ARL9: variants seen among roughly 807,000 people sequenced by gnomAD.
ARL9 encodes the protein ARF like GTPase 9, also known as ADP-ribosylation factor-like protein 9.
A neutral mutation model predicts 27.0 loss-of-function variants in ARL9; 14 were observed. The observed-to-expected ratio is 0.52, with a 90% CI of 0.34 to 0.81. ARL9 has a LOEUF of 0.81. ARL9 is among the 30% of genes least tolerant of loss of function. The pLI is 0.01. For missense variants in ARL9, 294 were observed against 290.0 expected (o/e 1.01, Z -0.10); for synonymous variants, 106 against 108.7 (o/e 0.98, Z 0.15).
rs371408202 is a variant in ARL9, at chr4:56,523,767, G to T, written c.689G>T (p.Arg230Met). The T allele has an allele frequency of 1.1e-4, 175 of 1,613,864 alleles. No homozygotes were observed. The highest frequency in any genetic ancestry group is 2.2e-4 in the Admixed American group (13 of 60,024). Residue 230 changes from arginine (R) to methionine (M), a missense_variant, in exon 4 of 4, where the codon AGG becomes ATG. By Grantham distance (91) the Arg-to-Met change is moderately conservative. Transcript: ENST00000640821. Reference sequence around the variant, plus strand: ...GCATTATCTGAAGTGGGAAATGACAGGAAGATGTTCTTGTTTGGAACCTAC... The same window carrying T: ...GCATTATCTGAAGTGGGAAATGACATGAAGATGTTCTTGTTTGGAACCTAC... ...ALALSEVGND[R>M]KMFLFGTYLT...
At chr4:56,516,705 T>A (rs1578212561) in intron 2 of ARL9, among the ~76,000 whole-genome samples, 1 of 150,866 alleles carries the variant, frequency 6.6e-6, no homozygotes. Context: ...CCAAGGTGGG[T>A]GGATCACTGG....
chr4:56,523,881 G>T lies in ARL9; in HGVS notation c.*5G>T. ...CTGGCTGCAGATGTGCAGTGACCAG[G>T]ACTCAGCCCACTGTGCGGCTCACGA... On this transcript the variant is annotated 3_prime_UTR_variant, in exon 4 of 4. Transcript: ENST00000640821. 1.9e-6 allele frequency: 3 copies of T among 1,611,362 alleles called. No homozygotes were observed. The highest frequency in any genetic ancestry group is 2.5e-6 in the Non-Finnish European group (3 of 1,178,416).
chr4:56,521,347 A>G (rs1042012040), intron 3 of ARL9, among the ~76,000 whole-genome samples: 1 of 152,202 alleles, frequency 6.6e-6, no homozygotes, highest in Non-Finnish European at 1.5e-5. Flanking sequence ...CCATAGCATT[A>G]ATATACCAAA....
chr4:56,506,128 C>G lies in ARL9; in HGVS notation c.266C>G (p.Pro89Arg), dbSNP rs1218534710. 1 of 1,233,182 alleles carries G rather than the reference C, an allele frequency of 8.1e-7. No individual in the cohort carries two copies. The highest frequency in any genetic ancestry group is 1.6e-5 in the African/African-American group (1 of 64,390). The allele number at this position is 1,233,182 out of a possible 1,614,324, so 76.4% of individuals were successfully genotyped here. The change falls in exon 1 of 4, where the codon CCG (proline) becomes CGG (arginine). Residue 89 changes from proline (P) to arginine (R), a missense_variant. Pro to Arg is a moderately radical substitution (Grantham distance 103). Transcript: ENST00000640821. ...ENKDSTLTRT[P>R]LEPLEKNKQI... is the part of the protein sequence containing the mutation. ...AAGGACAGCACCTTGACAAGGACCC[C>G]GCTCGAGCCGCTGGTAAGAGACCCA... is the stretch of plus-strand genomic sequence containing the variant.
Position 56,511,288 on chromosome 4 carries a change from C to T in ARL9, c.383C>T (p.Thr128Ile). Residue 128 changes from threonine (T) to isoleucine (I), a missense_variant, in exon 2 of 4, where the codon ACC becomes ATC. Physicochemically the swap from Thr to Ile is moderately conservative, Grantham distance 89. Coordinates refer to ENST00000640821, the MANE Select transcript of ARL9 (RefSeq NM_001363794.2). The stretch of plus-strand genomic sequence containing the variant: ...AGAGTCCAGCACAGTGTGGCACCCA[C>T]CCAAGGTTTCCATGCAGTTTGCATC... ...SNRVQHSVAP[T>I]QGFHAVCINT... The T allele has an allele frequency of 6.4e-7, 1 of 1,567,710 alleles. No homozygotes were observed. The highest frequency in any genetic ancestry group is 1.2e-5 in the South Asian group (1 of 82,524).
At chr4:56,512,125 A>C (rs1489866300) in intron 2 of ARL9, among the ~76,000 whole-genome samples, 2 of 152,082 alleles carry the variant, frequency 1.3e-5, no homozygotes, top group Non-Finnish European at 2.9e-5. Context: ...GCATCTCTCA[A>C]ATTCATTGGT....
chr4:56,517,356 A>G (rs981490390), intron 2 of ARL9, among the ~76,000 whole-genome samples: 2 of 152,212 alleles, frequency 1.3e-5, no homozygotes, highest in Non-Finnish European at 2.9e-5. Context: ...CTTGAAACAG[A>G]GGTCCAAAAA....
At chr4:56,517,004 G>T (rs1578212738) in intron 2 of ARL9, among the ~76,000 whole-genome samples, 1 of 152,208 alleles carries the variant, frequency 6.6e-6, no homozygotes. Flanking sequence ...TGTTGGCAGA[G>T]TGTGTATTGG....
intron 1 of ARL9, chr4:56,506,787 TGTGTG>T (rs937534205): frequency 1.6e-4 from 16 of 98,070 alleles, no homozygotes; most frequent in Non-Finnish European, 2.5e-4. Context: ...TTAACACAGT[TGTGTG>T]TGTGTGTGTG....
intron 1 of ARL9, among the ~76,000 whole-genome samples, chr4:56,508,371 C>T (rs756430454): frequency 5.9e-5 from 9 of 152,118 alleles, no homozygotes; most frequent in Middle Eastern, 3.4e-3. Context: ...AGAACAAATA[C>T]GTACATTTTT....
chr4:56,510,144 G>A (rs1428623887), intron 1 of ARL9, among the ~76,000 whole-genome samples: 1 of 151,698 alleles, frequency 6.6e-6, no homozygotes, highest in African/African-American at 2.4e-5. Context: ...CAGATCACGA[G>A]GTCAGGAGTT....
intron 3 of ARL9, among the ~76,000 whole-genome samples, chr4:56,522,740 C>T (rs1721959723): frequency 6.6e-6 from 1 of 152,176 alleles, no homozygotes; most frequent in South Asian, 2.1e-4. Context: ...GCGGCCTAAG[C>T]ACAGGCTTCC....
rs921005751 is a variant in ARL9, at chr4:56,507,891, G to A, written c.279+1750G>A. On this transcript the variant is annotated intron_variant, in intron 1 of 3. Coordinates refer to ENST00000640821, the MANE Select transcript of ARL9 (RefSeq NM_001363794.2). ...CTCGGGAGGCTGAGGCAGGAAAATC[G>A]CGTGAACCTGGGAGGCAGAGGTTGT... 4.0e-5 allele frequency among the ~76,000 whole-genome samples: 6 copies of A among 151,222 alleles called. No individual in the cohort carries two copies. The South Asian group carries it at 6.3e-4, about 16-fold the overall frequency.
upstream of ARL9, chr4:56,505,761 C>T (rs1315962280): frequency 2.9e-6 from 4 of 1,385,900 alleles, no homozygotes; most frequent in Non-Finnish European, 3.7e-6. Context: ...GCGGGGCCTA[C>T]GTCTCTGTCG....
At chr4:56,518,598 G>A in intron 2 of ARL9, 80 bp from the exon 3 acceptor site, 1 of 1,256,582 alleles carries the variant, frequency 8.0e-7, no homozygotes, top group South Asian at 1.4e-5. Context: ...CAGAAATCTA[G>A]ATGTGCCCTC....
chr4:56,520,938 G>C (rs747461837), intron 3 of ARL9, among the ~76,000 whole-genome samples: 1 of 152,162 alleles, frequency 6.6e-6, no homozygotes, highest in Non-Finnish European at 1.5e-5. Context: ...TGGGCCGGGC[G>C]TGGTGGCTCA....
At chr4:56,520,006 C>CT (rs1188540227) in intron 3 of ARL9, among the ~76,000 whole-genome samples, 7,036 of 143,020 alleles carry the variant, frequency 0.049, 312 homozygotes, top group East Asian at 0.19. Flanking sequence ...CCACTCCTGA[C>CT]TTTTTTTTTT....
At chr4:56,505,700 G>A (rs751551353), upstream of ARL9, 4 of 1,204,222 alleles carry the variant, frequency 3.3e-6, no homozygotes, top group African/African-American at 1.6e-5. Flanking sequence ...CGAGGTAAGC[G>A]GCGGTTGGCG....
chr4:56,513,488 T>C (rs918921038), intron 2 of ARL9, among the ~76,000 whole-genome samples: 11 of 152,208 alleles, frequency 7.2e-5, no homozygotes, highest in African/African-American at 1.9e-4. Flanking sequence ...TGAAGGGCCT[T>C]CCTGTGACAA....
Sources: gnomAD v4.1 joint callset for allele counts (sites outside exome capture counted in the v4.1 genomes callset) on GRCh38, gnomAD v4.1.1 for gene constraint, MANE v1.5 for transcripts, NCBI Gene and HGNC (gene_info 2026-07-23, HGNC 2026-07-21) for gene names.